The following RANBP2 variants were observed in gnomAD, a reference collection of about 807,000 sequenced individuals.
RANBP2 encodes the protein RAN binding protein 2.
RANBP2 carries 57 observed loss-of-function variants against 303.6 expected under a neutral mutation model. The ratio of observed to expected loss-of-function variants is 0.19; its 90% CI spans 0.15 to 0.23. RANBP2 has a LOEUF of 0.23. RANBP2 is among the 10% of genes least tolerant of loss of function. RANBP2 has a pLI of 1.00. For missense variants in RANBP2, 3,138 were observed against 3,780.8 expected, an observed-to-expected ratio of 0.83 and a Z score of 4.46; for synonymous variants, 1,167 against 1,301.5, an observed-to-expected ratio of 0.90 and a Z score of 2.23.
the RANBP2 span, among the ~76,000 whole-genome samples, chr2:109,430,358 C>G: frequency 1.3e-5 from 2 of 152,342 alleles, no homozygotes; most frequent in South Asian, 4.1e-4. Context: ...TACTGATTCA[C>G]AAGCCTTCCA....
intron 1 of RANBP2, among the ~76,000 whole-genome samples, chr2:108,727,818 G>T (rs1267889918): frequency 6.6e-6 from 1 of 151,976 alleles, no homozygotes; most frequent in Non-Finnish European, 1.5e-5. Context: ...GGCCAGGCTG[G>T]TCTCGAACTC....
the RANBP2 span, among the ~76,000 whole-genome samples, chr2:109,517,820 C>T: frequency 1.4e-4 from 22 of 152,312 alleles, no homozygotes; most frequent in Middle Eastern, 6.8e-3. Flanking sequence ...GCCTGGTGTT[C>T]CACAAGGACA....
At chr2:108,818,298 C>T in the RANBP2 span, among the ~76,000 whole-genome samples, 1 of 152,048 alleles carries the variant, frequency 6.6e-6, no homozygotes, top group South Asian at 2.1e-4. Flanking sequence ...CAGAGTGAGA[C>T]CCTGTCTGAA....
At chr2:109,401,812 G>C in the RANBP2 span, among the ~76,000 whole-genome samples, 1 of 152,200 alleles carries the variant, frequency 6.6e-6, no homozygotes, top group Admixed American at 6.5e-5. Flanking sequence ...ACCTTTCTAA[G>C]CTCTCTGCAG....
chr2:109,270,732 T>TA, the RANBP2 span, among the ~76,000 whole-genome samples: 1 of 152,208 alleles, frequency 6.6e-6, no homozygotes, highest in African/African-American at 2.4e-5. Context: ...CCTGGACTGT[T>TA]ACTCCTCTTA....
the RANBP2 span, among the ~76,000 whole-genome samples, chr2:109,378,003 C>G: frequency 2.0e-5 from 3 of 152,254 alleles, no homozygotes; most frequent in Non-Finnish European, 4.4e-5. Flanking sequence ...TAGTGAGCAG[C>G]TCCGCCGTGT....
the RANBP2 span, chr2:109,129,460 T>C: frequency 1.4e-5 from 21 of 1,495,060 alleles, no homozygotes; most frequent in Non-Finnish European, 1.9e-5. Flanking sequence ...TCCCCAGTCC[T>C]GATGCTGGCT....
the RANBP2 span, among the ~76,000 whole-genome samples, chr2:108,810,519 G>A: frequency 5.3e-4 from 80 of 152,196 alleles, no homozygotes; most frequent in African/African-American, 1.8e-3. Flanking sequence ...ATCTCACTTG[G>A]TTATGGTATA....
chr2:108,864,195 G>A, the RANBP2 span, among the ~76,000 whole-genome samples: 2 of 151,736 alleles, frequency 1.3e-5, no homozygotes, highest in Non-Finnish European at 2.9e-5. Flanking sequence ...ATATGATGGG[G>A]GATAAAATCT....
At chr2:109,226,956 A>G in the RANBP2 span, among the ~76,000 whole-genome samples, 2 of 152,204 alleles carry the variant, frequency 1.3e-5, no homozygotes, top group Non-Finnish European at 2.9e-5. Context: ...GGCCGGGTTC[A>G]TGGCTCAGAT....
chr2:109,056,161 G>T, the RANBP2 span, among the ~76,000 whole-genome samples: 1 of 151,770 alleles, frequency 6.6e-6, no homozygotes, highest in Non-Finnish European at 1.5e-5. Flanking sequence ...TGTTTTTAGG[G>T]GGTGGGGGAA....
the RANBP2 span, among the ~76,000 whole-genome samples, chr2:109,458,601 A>AGAGAGAG: frequency 4.0e-5 from 6 of 149,032 alleles, no homozygotes; most frequent in Admixed American, 6.7e-5. Flanking sequence ...AGAGAGAGAG[A>AGAGAGAG]ATTTATTTAT....
At chr2:109,426,769 A>G in the RANBP2 span, among the ~76,000 whole-genome samples, 8 of 152,304 alleles carry the variant, frequency 5.3e-5, no homozygotes, top group East Asian at 1.5e-3. Flanking sequence ...AGAGAAATCT[A>G]TCATGAAAGA....
chr2:109,162,461 C>T, the RANBP2 span, among the ~76,000 whole-genome samples: 168 of 152,246 alleles, frequency 1.1e-3, 3 homozygotes, highest in Admixed American at 2.5e-3. Flanking sequence ...ATGTGCACAA[C>T]GTGCAGGCTT....
chr2:109,562,942 G>A, the RANBP2 span, among the ~76,000 whole-genome samples: 1,206 of 150,828 alleles, frequency 8.0e-3, 10 homozygotes, highest in Non-Finnish European at 0.012. Flanking sequence ...ATGGAGTCTC[G>A]CTCTGTTGCC....
the RANBP2 span, among the ~76,000 whole-genome samples, chr2:109,213,469 G>T: frequency 2.6e-5 from 4 of 152,300 alleles, no homozygotes; most frequent in African/African-American, 9.6e-5. Flanking sequence ...TATCTCACTG[G>T]TGAGGACGTG....
the RANBP2 span, among the ~76,000 whole-genome samples, chr2:109,673,458 C>T: frequency 1.3e-5 from 2 of 152,186 alleles, no homozygotes; most frequent in African/African-American, 4.8e-5. Context: ...GAGCTGTAAA[C>T]AGACAGGTCC....
the RANBP2 span, among the ~76,000 whole-genome samples, chr2:108,948,632 T>A: frequency 6.7e-6 from 1 of 149,442 alleles, no homozygotes; most frequent in Non-Finnish European, 1.5e-5. Context: ...AGAGAGAGAG[T>A]GAAGTGGGGA....
chr2:109,561,629 G>C, the RANBP2 span, among the ~76,000 whole-genome samples: 1 of 152,098 alleles, frequency 6.6e-6, no homozygotes, highest in Non-Finnish European at 1.5e-5. Context: ...CTCTTCACCT[G>C]AATATTTAAT....
Sources: gnomAD v4.1 joint callset for allele counts (sites outside exome capture counted in the v4.1 genomes callset) on GRCh38, gnomAD v4.1.1 for gene constraint, MANE v1.5 for transcripts, NCBI Gene and HGNC (gene_info 2026-07-23, HGNC 2026-07-21) for gene names.